Variants in SPACA6 observed in about 807,000 individuals in gnomAD.
The protein encoded by SPACA6 is sperm acrosome associated 6.
For missense variants in SPACA6, 8 were observed against 2.8 expected, an observed-to-expected ratio of 2.88 and a Z score of -1.34; for synonymous variants, 6 against 1.5, an observed-to-expected ratio of 4.05 and a Z score of -2.21.
chr19:51,712,510 G>A (rs2083546977), downstream of SPACA6: 1 of 152,448 alleles, frequency 6.6e-6, no homozygotes, highest in Non-Finnish European at 1.5e-5. Context: ...AGGCTCCGAA[G>A]CGAAAGGAGA....
the SPACA6 span, among the ~76,000 whole-genome samples, chr19:51,684,023 T>C: frequency 4.6e-5 from 7 of 152,278 alleles, no homozygotes; most frequent in East Asian, 1.3e-3. Flanking sequence ...AGATCAAAAA[T>C]AAAATCTTGG....
At chr19:51,684,355 C>A (rs2083318908), upstream of SPACA6, among the ~76,000 whole-genome samples, 2 of 152,128 alleles carry the variant, frequency 1.3e-5, no homozygotes, top group African/African-American at 4.8e-5. Context: ...CTTCACTCAT[C>A]AAACAAAAAG....
At chr19:51,691,810 G>A (rs2083375840), upstream of SPACA6, among the ~76,000 whole-genome samples, 1 of 151,776 alleles carries the variant, frequency 6.6e-6, no homozygotes, top group African/African-American at 2.4e-5. Context: ...CCCAGGGGTG[G>A]GGAGGGTGGG....
Position 51,693,435 on chromosome 19 carries a change from T to C in SPACA6, c.-92T>C. On this transcript the variant is annotated 5_prime_UTR_variant, in exon 1 of 9. Transcript: ENST00000637797. Reference sequence around the variant, plus strand: ...TGACATTTGACCACCAACTGAAACCTGACCTCTGACCCCAGACCACTGGCC... The same window carrying C: ...TGACATTTGACCACCAACTGAAACCCGACCTCTGACCCCAGACCACTGGCC... The C allele has an allele frequency of 4.9e-6, 3 of 608,170 alleles. No individual in the cohort carries two copies. Among genetic ancestry groups the C allele is most frequent in the Non-Finnish European group, 9.5e-6 (3 of 315,656 alleles). The allele number at this position is 608,170 out of a possible 1,614,324, so 37.7% of individuals were successfully genotyped here.
upstream of SPACA6, among the ~76,000 whole-genome samples, chr19:51,685,112 GTCC>G (rs1389638252): frequency 1.3e-5 from 2 of 152,214 alleles, no homozygotes; most frequent in East Asian, 3.8e-4. Context: ...AGGTTAAGGT[GTCC>G]TCCTGTCTAC....
At chr19:51,706,103 C>T (rs1205414248), downstream of SPACA6, among the ~76,000 whole-genome samples, 1 of 152,172 alleles carries the variant, frequency 6.6e-6, no homozygotes, top group Non-Finnish European at 1.5e-5. Context: ...GTCAAAGCCT[C>T]AGAGGTTCCA....
chr19:51,692,473 G>T (rs921524234), upstream of SPACA6: 2 of 383,804 alleles, frequency 5.2e-6, no homozygotes, highest in South Asian at 3.8e-5. The surrounding 1 kb of genome is among the most constrained non-coding windows in gnomAD (Gnocchi z 5.6). Context: ...TGGTGAGGAA[G>T]GGCCTAGACT....
rs940074247 is a variant in SPACA6, at chr19:51,704,316, C to T, written c.777C>T (p.Phe259=). The change falls in exon 8 of 9, where the codon TTC becomes TTT. Residue 259 remains phenylalanine, a synonymous_variant. Transcript: ENST00000637797. ...PRAETELQAS[F]REVLRWAPRD... is the part of the protein sequence containing the mutation. ...CGGAGACAGAGTTGCAGGCCTCGTT[C>T]CGGGAAGTGCTGCGCTGGGCGCCGC... 2.5e-6 allele frequency: 1 copy of T among 400,730 alleles called. No homozygotes were observed. The highest frequency in any genetic ancestry group is 4.4e-6 in the Non-Finnish European group (1 of 226,104). 24.8% of individuals were successfully genotyped at this position (400,730 alleles called of 1,614,324 possible).
chr19:51,693,976 A>C (rs564822185), intron 1 of SPACA6: 2 of 352,374 alleles, frequency 5.7e-6, no homozygotes, highest in South Asian at 3.3e-4. Context: ...ATGGAGACTC[A>C]GAGAGGGGGA....
chr19:51,695,776 A>G (rs1443635664), intron 2 of SPACA6, among the ~76,000 whole-genome samples: 1 of 152,040 alleles, frequency 6.6e-6, no homozygotes, highest in Non-Finnish European at 1.5e-5. Context: ...TGGAGGGGAG[A>G]GAGAAGAGGC....
intron 2 of SPACA6, among the ~76,000 whole-genome samples, chr19:51,697,186 T>C (rs921246617): frequency 6.6e-6 from 1 of 152,174 alleles, no homozygotes; most frequent in African/African-American, 2.4e-5. Flanking sequence ...GACTTTTGTT[T>C]TTTGCTCTTG....
At chr19:51,697,663 G>A (rs1313775800) in intron 2 of SPACA6, among the ~76,000 whole-genome samples, 2 of 152,162 alleles carry the variant, frequency 1.3e-5, no homozygotes, top group East Asian at 3.8e-4. Context: ...CCTCCAGAGG[G>A]AGCAGCAGGG....
chr19:51,704,041 G>A lies in SPACA6; in HGVS notation c.585G>A (p.Gln195=), dbSNP rs1306916840. ...WKFAGGGLRT[Q]DLSYFRDMPR... is the part of the protein sequence containing the mutation. ...CGCGTGTCCCGCAGCTCCGGACTCAGGACTTGTCCTATTTCCGAGATATGC... is the reference window on the plus strand; with the variant it reads ...CGCGTGTCCCGCAGCTCCGGACTCAAGACTTGTCCTATTTCCGAGATATGC... Residue 195 remains glutamine (Q), a synonymous_variant, in exon 7 of 9, where the codon CAG becomes CAA. Coordinates refer to ENST00000637797, the MANE Select transcript of SPACA6 (RefSeq NM_001316972.2). 1 of 401,076 alleles carries A rather than the reference G, an allele frequency of 2.5e-6. No individual in the cohort carries two copies. The highest frequency in any genetic ancestry group is 2.1e-5 in the African/African-American group (1 of 48,688). The allele number at this position is 401,076 out of a possible 1,614,324, so 24.8% of individuals were successfully genotyped here.
exon 3 of SPACA6, chr19:51,712,333 G>A (rs2083545850): frequency 6.6e-6 from 1 of 152,160 alleles, no homozygotes; most frequent in Non-Finnish European, 1.5e-5. Context: ...CACTTTGAGT[G>A]AGTGAACTCT....
chr19:51,709,210 C>A (rs2083530407), downstream of SPACA6, among the ~76,000 whole-genome samples: 1 of 140,730 alleles, frequency 7.1e-6, no homozygotes, highest in African/African-American at 2.8e-5. Context: ...AGAGTGAGAA[C>A]CTGAATCAGA....
At chr19:51,697,820 G>A (rs2122208916) in intron 2 of SPACA6, among the ~76,000 whole-genome samples, 1 of 152,286 alleles carries the variant, frequency 6.6e-6, no homozygotes, top group East Asian at 1.9e-4. Flanking sequence ...CAGCGATTAG[G>A]TGTGGAGGCT....
downstream of SPACA6, among the ~76,000 whole-genome samples, chr19:51,707,345 C>T (rs1383088881): frequency 6.6e-6 from 1 of 151,702 alleles, no homozygotes; most frequent in Non-Finnish European, 1.5e-5. Flanking sequence ...CTCAGTGTCC[C>T]GAGTAGCTGG....
chr19:51,707,794 C>T (rs1456419647), downstream of SPACA6, among the ~76,000 whole-genome samples: 1 of 152,158 alleles, frequency 6.6e-6, no homozygotes. Flanking sequence ...GCTAGAATAG[C>T]TTGAATAACT....
chr19:51,706,899 T>C (rs930604363), downstream of SPACA6, among the ~76,000 whole-genome samples: 2 of 152,182 alleles, frequency 1.3e-5, no homozygotes, highest in Admixed American at 6.5e-5. Context: ...CCTCAGGTGA[T>C]CCACCTGTCT....
Sources: allele counts gnomAD v4.1 joint callset (sites outside exome capture counted in the v4.1 genomes callset), GRCh38; gene constraint gnomAD v4.1.1; non-coding constraint Gnocchi (gnomAD v3.1); transcripts MANE v1.5; gene names NCBI Gene and HGNC (gene_info 2026-07-23, HGNC 2026-07-21).